Variants in DHRSX observed in about 807,000 individuals in gnomAD.
DHRSX encodes dehydrogenase/reductase X-linked, also known as polyprenol dehydrogenase.
Under a neutral mutation model 34.0 loss-of-function variants are expected in DHRSX, and 31 were observed. The observed-to-expected ratio is 0.91, with a 90% CI of 0.69 to 1.23. The LOEUF (loss-of-function observed/expected upper bound fraction) is 1.23. Ranked by LOEUF, DHRSX falls within the 50% of genes most tolerant of loss-of-function variation. The pLI, the probability that DHRSX is intolerant of heterozygous loss-of-function variation, is 0.00. For synonymous variants in DHRSX, 201 were observed against 183.8 expected, an observed-to-expected ratio of 1.09 and a Z score of -0.76; for missense variants, 414 against 428.1, an observed-to-expected ratio of 0.97 and a Z score of 0.29.
At chrX:2,273,297 C>A (rs780611688) in intron 4 of DHRSX, among the ~76,000 whole-genome samples, 5 of 152,112 alleles carry the variant, frequency 3.3e-5, no homozygotes, top group Non-Finnish European at 7.4e-5. Flanking sequence ...TGCAAACATA[C>A]GGAATCAACC....
At chrX:2,484,514 T>C (rs1245127253) in intron 1 of DHRSX, among the ~76,000 whole-genome samples, 2 of 152,126 alleles carry the variant, frequency 1.3e-5, no homozygotes, top group African/African-American at 2.4e-5. Context: ...AAGGAACTCA[T>C]GCAGTTTGAG....
intron 5 of DHRSX, among the ~76,000 whole-genome samples, chrX:2,253,422 C>T (rs112223867): frequency 3.4e-4 from 19 of 56,548 alleles, no homozygotes; most frequent in Non-Finnish European, 3.4e-4. Context: ...GCGGACATGG[C>T]CGTGAGCCAA....
At chrX:2,296,966 AC>A (rs1253703167) in intron 3 of DHRSX, among the ~76,000 whole-genome samples, 1 of 99,754 alleles carries the variant, frequency 1.0e-5, no homozygotes, top group African/African-American at 1.2e-4. Flanking sequence ...AGGCAGATAG[AC>A]CCCAGGCAGA....
At chrX:2,480,516 TAAAAA>T (rs11361866) in intron 1 of DHRSX, among the ~76,000 whole-genome samples, 9 of 141,604 alleles carry the variant, frequency 6.4e-5, no homozygotes, top group East Asian at 6.3e-4. Context: ...ACCGCATCTT[TAAAAA>T]AAAAAAAAAA....
intron 1 of DHRSX, among the ~76,000 whole-genome samples, chrX:2,445,092 G>A (rs746937011): frequency 5.2e-4 from 79 of 152,254 alleles, no homozygotes; most frequent in African/African-American, 1.8e-3. Context: ...AGGAGGTAGA[G>A]GTTACAGTGA....
chrX:2,311,312 C>T (rs1480317903), intron 3 of DHRSX, among the ~76,000 whole-genome samples: 2 of 152,004 alleles, frequency 1.3e-5, no homozygotes, highest in African/African-American at 4.8e-5. Context: ...AAGTGGGTGA[C>T]GCCTTTGTTT....
chrX:2,243,785 CCTGTTTTTTTTTTTTTT>C (rs2016201600), intron 5 of DHRSX, among the ~76,000 whole-genome samples: 1 of 71,514 alleles, frequency 1.4e-5, no homozygotes, highest in African/African-American at 4.5e-5. Context: ...CACTATGCTC[CCTGTTTTTTTTTTTTTT>C]TTTTTTTTTT....
At chrX:2,433,172 T>C (rs968805812) in intron 1 of DHRSX, among the ~76,000 whole-genome samples, 14 of 151,736 alleles carry the variant, frequency 9.2e-5, no homozygotes, top group African/African-American at 2.7e-4. Flanking sequence ...AAGTAAAAAA[T>C]AAATAATGAG....
intron 3 of DHRSX, among the ~76,000 whole-genome samples, chrX:2,342,876 C>G (rs1259562269): frequency 6.6e-6 from 1 of 152,166 alleles, no homozygotes; most frequent in Non-Finnish European, 1.5e-5. Flanking sequence ...AACATTCAGT[C>G]ATTCTCCATC....
chrX:2,446,837 G>A (rs1051327394), intron 1 of DHRSX, among the ~76,000 whole-genome samples: 3 of 151,796 alleles, frequency 2.0e-5, no homozygotes, highest in Non-Finnish European at 4.4e-5. Flanking sequence ...CCAAGGGACC[G>A]CAAGGAAGAT....
chrX:2,282,615 GGGGAGGGAGAGAAGAAGGGAAA>G (rs1268489553), intron 4 of DHRSX, among the ~76,000 whole-genome samples: 6 of 144,090 alleles, frequency 4.2e-5, no homozygotes, highest in Non-Finnish European at 7.6e-5. Flanking sequence ...AGAAGAAAGA[GGGGAGGGAGAGAAGAAGGGAAA>G]GGGAGGGAGA....
chrX:2,493,998 G>T (rs1437449070), intron 1 of DHRSX, among the ~76,000 whole-genome samples: 3 of 149,008 alleles, frequency 2.0e-5, no homozygotes, highest in Non-Finnish European at 4.5e-5. Context: ...CAAAAAAAAA[G>T]ATATATATGC....
intron 6 of DHRSX, among the ~76,000 whole-genome samples, chrX:2,231,629 T>C (rs2015884576): frequency 6.8e-6 from 1 of 148,106 alleles, no homozygotes; most frequent in Non-Finnish European, 1.5e-5. Flanking sequence ...CCCATCTCTT[T>C]CTCCCTTTCT....
chrX:2,444,585 C>T (rs1347442683), intron 1 of DHRSX, among the ~76,000 whole-genome samples: 2 of 152,190 alleles, frequency 1.3e-5, no homozygotes, highest in African/African-American at 4.8e-5. Context: ...AATCCCAGCA[C>T]TCTGGGAGGC....
intron 1 of DHRSX, among the ~76,000 whole-genome samples, chrX:2,458,030 T>G (rs769286475): frequency 6.6e-6 from 1 of 151,614 alleles, no homozygotes; most frequent in Non-Finnish European, 1.5e-5. Flanking sequence ...GCCAAGGGAC[T>G]GCCGCCATGT....
intron 1 of DHRSX, among the ~76,000 whole-genome samples, chrX:2,484,690 T>C (rs957462196): frequency 1.3e-5 from 2 of 151,942 alleles, no homozygotes; most frequent in Non-Finnish European, 2.9e-5. Context: ...AGCCCCACGA[T>C]TTGACGGAGC....
chrX:2,315,533 C>G (rs1270229859), intron 3 of DHRSX, among the ~76,000 whole-genome samples: 1 of 152,064 alleles, frequency 6.6e-6, no homozygotes, highest in African/African-American at 2.4e-5. Flanking sequence ...TTGAACCTAG[C>G]GAATATAGAT....
chrX:2,283,821 A>C (rs1254503300), intron 4 of DHRSX, among the ~76,000 whole-genome samples: 1 of 152,186 alleles, frequency 6.6e-6, no homozygotes, highest in Non-Finnish European at 1.5e-5. Context: ...TGTTCCTTTG[A>C]ATTCATTCAT....
chrX:2,336,507 T>TAATACTTG (rs2042565728), intron 3 of DHRSX: 1 of 152,152 alleles, frequency 6.6e-6, no homozygotes, highest in South Asian at 2.1e-4. Context: ...TTCCATCCCA[T>TAATACTTG]AATACTTGTC....
Sources: gnomAD v4.1 joint callset for allele counts (sites outside exome capture counted in the v4.1 genomes callset) on GRCh38, gnomAD v4.1.1 for gene constraint, MANE v1.5 for transcripts, NCBI Gene and HGNC (gene_info 2026-07-23, HGNC 2026-07-21) for gene names.